Variants in DLG1 observed in about 807,000 individuals in gnomAD.
DLG1 encodes the protein discs large MAGUK scaffold protein 1, also known as disks large homolog 1.
DLG1 carries 42 observed loss-of-function variants against 123.4 expected under a neutral mutation model. That is an observed-to-expected ratio of 0.34 (90% CI 0.27 to 0.44). DLG1 has a LOEUF of 0.44. Among genes scored for constraint, DLG1 ranks in the 20% least tolerant of loss-of-function variants. The pLI is 1.00. For synonymous variants in DLG1, 317 were observed against 356.2 expected (o/e 0.89, Z 1.24); for missense variants, 942 against 1,082.6 (o/e 0.87, Z 1.82).
Position 197,042,712 on chromosome 3 carries a change from A to C in DLG1, c.*1911T>G, listed in dbSNP as rs1242683252. On this transcript the variant is annotated 3_prime_UTR_variant, in exon 25 of 25. Transcript: ENST00000667157. ...GTTTCTGAAGCTCTTGAGATTTTAC[A>C]ACAGTTTTCTTCATACTAGTGTGTT... 2 of 152,210 alleles carry C rather than the reference A, an allele frequency of 1.3e-5. No individual in the cohort carries two copies. Among genetic ancestry groups the C allele is most frequent in the Non-Finnish European group, 2.9e-5 (2 of 68,040 alleles). The allele number at this position is 152,210 out of a possible 1,614,324, so 9.4% of individuals were successfully genotyped here.
intron 13 of DLG1, among the ~76,000 whole-genome samples, chr3:197,108,081 T>C (rs1007292334): frequency 6.6e-6 from 1 of 152,244 alleles, no homozygotes; most frequent in Non-Finnish European, 1.5e-5. Flanking sequence ...ATGTGCTTTA[T>C]GTCCTTTATT....
chr3:197,186,178 A>C (rs1715858944), intron 5 of DLG1, among the ~76,000 whole-genome samples: 1 of 152,208 alleles, frequency 6.6e-6, no homozygotes, highest in African/African-American at 2.4e-5. Context: ...ATGCACACAA[A>C]AAATCTATAC....
chr3:197,297,331 AC>A (rs1286338398), intron 1 of DLG1, 96 bp from the exon 2 acceptor site: 1 of 1,517,928 alleles, frequency 6.6e-7, no homozygotes, highest in African/African-American at 1.4e-5. Flanking sequence ...CTATTTGAAA[AC>A]CCCACGTTCC....
At chr3:197,206,963 T>C (rs936278808) in intron 4 of DLG1, among the ~76,000 whole-genome samples, 8 of 152,222 alleles carry the variant, frequency 5.3e-5, no homozygotes, top group African/African-American at 1.4e-4. Flanking sequence ...GGAAATTCTG[T>C]TGGACTGCTT....
chr3:197,092,924 T>C (rs1402028580), intron 14 of DLG1, among the ~76,000 whole-genome samples: 5 of 152,360 alleles, frequency 3.3e-5, no homozygotes, highest in African/African-American at 9.6e-5. Context: ...AAATTTTTCA[T>C]TGATTTTATA....
chr3:197,296,605 T>C, intron 2 of DLG1, 128 bp from the exon 3 acceptor site: 1 of 782,150 alleles, frequency 1.3e-6, no homozygotes, highest in Non-Finnish European at 2.1e-6. Flanking sequence ...GATGTCACTA[T>C]GTTCATGTAC....
At chr3:197,246,497 T>G (rs1212103976) in intron 4 of DLG1, among the ~76,000 whole-genome samples, 1 of 152,178 alleles carries the variant, frequency 6.6e-6, no homozygotes, top group East Asian at 1.9e-4. Context: ...TGAAGGGGTG[T>G]GCTCACCATC....
At chr3:197,049,934 G>A (rs1006947076) in intron 24 of DLG1, among the ~76,000 whole-genome samples, 18 of 152,036 alleles carry the variant, frequency 1.2e-4, no homozygotes, top group Non-Finnish European at 1.2e-4. Context: ...GGTGTTGCAC[G>A]CCTGTAGTCC....
At chr3:197,284,183 T>C (rs1355095612) in intron 3 of DLG1, among the ~76,000 whole-genome samples, 2 of 152,036 alleles carry the variant, frequency 1.3e-5, no homozygotes, top group Non-Finnish European at 2.9e-5. Flanking sequence ...TAATAACCAG[T>C]GGAATTGCAA....
chr3:197,236,239 G>A (rs1247699564), intron 4 of DLG1, among the ~76,000 whole-genome samples: 1 of 151,960 alleles, frequency 6.6e-6, no homozygotes, highest in Non-Finnish European at 1.5e-5. Context: ...CTTAAGCCTG[G>A]GAGGAAAAGG....
intron 4 of DLG1, among the ~76,000 whole-genome samples, chr3:197,244,943 G>A (rs1044857580): frequency 7.9e-5 from 12 of 152,158 alleles, no homozygotes; most frequent in Admixed American, 2.6e-4. Context: ...AGTTTCAAAC[G>A]TAGGAATGTC....
intron 5 of DLG1, among the ~76,000 whole-genome samples, chr3:197,178,959 A>G (rs1292968513): frequency 2.7e-5 from 4 of 150,888 alleles, no homozygotes; most frequent in Non-Finnish European, 5.9e-5. Context: ...TGATGCAGTG[A>G]AGAGAGAAAG....
In DLG1 at chr3:197,282,782, G is replaced by A. The variant is rs1201452687; in HGVS notation, c.215C>T (p.Pro72Leu). 16 of 1,609,248 alleles carry A rather than the reference G, an allele frequency of 9.9e-6. No homozygotes were observed. In the East Asian group the frequency reaches 1.3e-4, roughly 13 times the overall value. Residue 72 changes from proline to leucine, a missense_variant, in exon 4 of 25, where the codon CCG becomes CTG. Transcript: ENST00000667157. ...ATTCACAGGTTGAATTGGTTCAGAC[G>A]GCTTTGAACGATCTATACATTTTGG... is the stretch of plus-strand genomic sequence containing the variant. ...DNPKCIDRSK[P>L]SEPIQPVNTW...
chr3:197,279,791 T>C (rs968965215), intron 4 of DLG1, among the ~76,000 whole-genome samples: 1 of 152,222 alleles, frequency 6.6e-6, no homozygotes, highest in Non-Finnish European at 1.5e-5. Flanking sequence ...GAAATCTATA[T>C]GGAAAAAAAC....
intron 5 of DLG1, among the ~76,000 whole-genome samples, chr3:197,191,727 G>C (rs893061047): frequency 2.0e-5 from 3 of 152,186 alleles, no homozygotes; most frequent in Non-Finnish European, 4.4e-5. Context: ...AGGTTCTTAT[G>C]TTGTCTGGAG....
At chr3:197,154,351 A>G (rs938190589) in intron 5 of DLG1, among the ~76,000 whole-genome samples, 4 of 151,950 alleles carry the variant, frequency 2.6e-5, no homozygotes, top group African/African-American at 7.3e-5. Context: ...AAAACCTGAT[A>G]GCAAATCTAC....
At chr3:197,135,043 C>T (rs1413484286) in intron 10 of DLG1, among the ~76,000 whole-genome samples, 1 of 152,204 alleles carries the variant, frequency 6.6e-6, no homozygotes, top group Non-Finnish European at 1.5e-5. Context: ...AAGCAACAAG[C>T]TACCTTATAA....
chr3:197,053,704 A>G (rs1219131303), intron 23 of DLG1, among the ~76,000 whole-genome samples: 1 of 151,276 alleles, frequency 6.6e-6, no homozygotes, highest in East Asian at 1.9e-4. Context: ...CCCGGGAGGC[A>G]GAGAGGTTGC....
intron 18 of DLG1, chr3:197,075,911 A>T (rs1278208349): frequency 6.3e-7 from 1 of 1,585,516 alleles, no homozygotes; most frequent in East Asian, 2.2e-5. Context: ...ATAAAAAGAT[A>T]ATCAAAGAAA....
Sources: gnomAD v4.1 joint callset for allele counts (sites outside exome capture counted in the v4.1 genomes callset) on GRCh38, gnomAD v4.1.1 for gene constraint, MANE v1.5 for transcripts, NCBI Gene and HGNC (gene_info 2026-07-23, HGNC 2026-07-21) for gene names.